Variants in PPARGC1A observed in about 807,000 individuals in gnomAD.
The protein encoded by PPARGC1A is PPARG coactivator 1 alpha, also known as peroxisome proliferator-activated receptor gamma coactivator 1-alpha.
PPARGC1A carries 25 observed loss-of-function variants against 88.7 expected under a neutral mutation model. The observed-to-expected ratio is 0.28, with a 90% confidence interval of 0.21 to 0.39. The LOEUF is 0.39. Ranked by LOEUF, PPARGC1A falls within the 10% of genes least tolerant of loss-of-function variation. The pLI is 1.00. For missense variants in PPARGC1A, 880 were observed against 968.7 expected (o/e 0.91, Z 1.22); for synonymous variants, 363 against 355.6 (o/e 1.02, Z -0.24).
the PPARGC1A span, among the ~76,000 whole-genome samples, chr4:24,440,366 G>A: frequency 6.6e-6 from 1 of 152,164 alleles, no homozygotes; most frequent in Non-Finnish European, 1.5e-5. Flanking sequence ...CCCATGGAAG[G>A]GAAGAGCAAT....
At chr4:24,138,459 A>G in the PPARGC1A span, among the ~76,000 whole-genome samples, 1 of 152,208 alleles carries the variant, frequency 6.6e-6, no homozygotes. Context: ...TACTCAACAT[A>G]TAAGTTAAGG....
the PPARGC1A span, among the ~76,000 whole-genome samples, chr4:24,231,383 C>A: frequency 3.9e-5 from 6 of 152,160 alleles, no homozygotes; most frequent in African/African-American, 1.4e-4. Context: ...CCATTCAGAG[C>A]CCTCAGGTAT....
At chr4:24,065,331 T>C in the PPARGC1A span, among the ~76,000 whole-genome samples, 1 of 151,980 alleles carries the variant, frequency 6.6e-6, no homozygotes, top group East Asian at 1.9e-4. Flanking sequence ...CAGAACTACA[T>C]CCTGTCCTTC....
the PPARGC1A span, among the ~76,000 whole-genome samples, chr4:24,070,848 T>C: frequency 4.5e-4 from 68 of 152,350 alleles, no homozygotes; most frequent in South Asian, 0.014. Flanking sequence ...TAAAGTTTTA[T>C]TGGCCCACAG....
chr4:23,875,469 T>G (rs1404204571), intron 2 of PPARGC1A, among the ~76,000 whole-genome samples: 4 of 151,918 alleles, frequency 2.6e-5, no homozygotes, highest in Non-Finnish European at 5.9e-5. Context: ...TGGGCTAAAG[T>G]GAAGGTGTTG....
At chr4:23,843,654 A>G (rs1727463296) in intron 2 of PPARGC1A, among the ~76,000 whole-genome samples, 1 of 152,094 alleles carries the variant, frequency 6.6e-6, no homozygotes, top group African/African-American at 2.4e-5. Context: ...ATAAGCCTAC[A>G]CAATGTAGAA....
the PPARGC1A span, among the ~76,000 whole-genome samples, chr4:24,468,560 G>A: frequency 6.6e-6 from 1 of 152,052 alleles, no homozygotes; most frequent in Non-Finnish European, 1.5e-5. Flanking sequence ...TGTAGTTTCG[G>A]CTCTAATACA....
At chr4:24,253,592 T>G in the PPARGC1A span, among the ~76,000 whole-genome samples, 9 of 152,220 alleles carry the variant, frequency 5.9e-5, no homozygotes, top group Non-Finnish European at 1.3e-4. Context: ...AGCATAGTCA[T>G]ACATGTAAGA....
chr4:24,222,297 G>T, the PPARGC1A span, among the ~76,000 whole-genome samples: 2 of 152,166 alleles, frequency 1.3e-5, no homozygotes, highest in African/African-American at 2.4e-5. Context: ...AGTACCTTGA[G>T]GTAGTTAAGA....
the PPARGC1A span, among the ~76,000 whole-genome samples, chr4:24,466,604 T>C: frequency 6.6e-6 from 1 of 152,186 alleles, no homozygotes; most frequent in African/African-American, 2.4e-5. Context: ...GAACAACAAT[T>C]GATAAATGTT....
At chr4:24,210,002 G>A in the PPARGC1A span, among the ~76,000 whole-genome samples, 1 of 152,258 alleles carries the variant, frequency 6.6e-6, no homozygotes, top group Admixed American at 6.5e-5. Context: ...ACGGGAAGAA[G>A]AACAGTCATC....
the PPARGC1A span, among the ~76,000 whole-genome samples, chr4:24,008,369 T>C: frequency 2.2e-4 from 34 of 152,310 alleles, no homozygotes; most frequent in East Asian, 2.3e-3. Context: ...TTGGCAGATA[T>C]TGACTTACAA....
intron 2 of PPARGC1A, among the ~76,000 whole-genome samples, chr4:23,870,293 A>G (rs1172877774): frequency 6.6e-6 from 1 of 152,232 alleles, no homozygotes; most frequent in East Asian, 1.9e-4. Context: ...ACGTATTTAC[A>G]TATTTTCCCC....
At chr4:23,917,023 T>G in the PPARGC1A span, among the ~76,000 whole-genome samples, 15 of 152,168 alleles carry the variant, frequency 9.9e-5, no homozygotes, top group African/African-American at 3.4e-4. Context: ...GTACAACGAC[T>G]GTGTTCTTGT....
upstream of PPARGC1A, among the ~76,000 whole-genome samples, chr4:23,905,362 T>C (rs1719913456): frequency 6.6e-6 from 1 of 152,204 alleles, no homozygotes; most frequent in Non-Finnish European, 1.5e-5. Context: ...TGTTATGGCT[T>C]TTCTTCCCTG....
At chr4:24,102,935 C>T in the PPARGC1A span, among the ~76,000 whole-genome samples, 1 of 152,092 alleles carries the variant, frequency 6.6e-6, no homozygotes, top group African/African-American at 2.4e-5. Context: ...CAAATTAAGC[C>T]AAGTCTGCCC....
chr4:24,195,791 T>A, the PPARGC1A span, among the ~76,000 whole-genome samples: 1 of 152,214 alleles, frequency 6.6e-6, no homozygotes, highest in Non-Finnish European at 1.5e-5. Context: ...GTGTTCTAGA[T>A]ACTCTAGGAT....
chr4:24,196,227 CTG>C, the PPARGC1A span, among the ~76,000 whole-genome samples: 1 of 152,166 alleles, frequency 6.6e-6, no homozygotes, highest in African/African-American at 2.4e-5. Context: ...AGTCATAAAT[CTG>C]TGTAAAAATA....
intron 2 of PPARGC1A, chr4:23,880,721 C>G (rs1457705280): frequency 6.6e-6 from 1 of 152,194 alleles, no homozygotes; most frequent in Admixed American, 6.5e-5. Flanking sequence ...TACAAAACCA[C>G]CACTCACCCT....
Sources: allele counts gnomAD v4.1 joint callset (sites outside exome capture counted in the v4.1 genomes callset), GRCh38; gene constraint gnomAD v4.1.1; transcripts MANE v1.5; gene names NCBI Gene and HGNC (gene_info 2026-07-23, HGNC 2026-07-21).